CCDC34: variants seen among roughly 807,000 people sequenced by gnomAD.
CCDC34 encodes coiled-coil domain-containing protein 34.
In CCDC34, 40 loss-of-function variants were observed where a neutral mutation model predicts 44.1. That is an observed-to-expected ratio of 0.91 (90% CI 0.70 to 1.18). The LOEUF (loss-of-function observed/expected upper bound fraction) is 1.18, where lower values mean the gene tolerates loss of function less well. CCDC34 is among the 50% of genes most tolerant of loss of function. The pLI is 0.00. For missense variants in CCDC34, 466 were observed against 452.3 expected (o/e 1.03, Z -0.28); for synonymous variants, 159 against 158.2 (o/e 1.01, Z -0.04).
intron 2 of CCDC34, among the ~76,000 whole-genome samples, chr11:27,354,676 AC>A (rs1377163629): frequency 1.8e-4 from 25 of 138,702 alleles, no homozygotes; most frequent in Non-Finnish European, 1.1e-4. Flanking sequence ...CAACATGGCA[AC>A]CCCCCCACCC....
chr11:27,361,565 C>G (rs886462230), intron 1 of CCDC34, among the ~76,000 whole-genome samples: 1 of 152,124 alleles, frequency 6.6e-6, no homozygotes, highest in Non-Finnish European at 1.5e-5. Context: ...TCAGAGGAGG[C>G]CTGTTTCTTG....
intron 3 of CCDC34, among the ~76,000 whole-genome samples, chr11:27,345,201 C>A (rs1460429396): frequency 6.6e-6 from 1 of 152,126 alleles, no homozygotes; most frequent in African/African-American, 2.4e-5. Flanking sequence ...AATAGACATA[C>A]AGGTAAAGCT....
intron 3 of CCDC34, chr11:27,349,097 A>G (rs940257700): frequency 2.0e-6 from 2 of 985,136 alleles, no homozygotes; most frequent in Non-Finnish European, 2.4e-6. Flanking sequence ...TTTGATTGGC[A>G]TGGTAAAATT....
rs1256837567 is a variant in CCDC34, at chr11:27,358,418, ACT to A, written c.360-879_360-878del. Among the ~76,000 whole-genome samples the A allele has an allele frequency of 5.9e-5, 9 of 152,292 alleles. No individual in the cohort carries two copies. In the South Asian group the frequency reaches 1.5e-3, roughly 25 times the overall value. ...AGCTCTAAAGACTAGTTTATTACAG[ACT>A]CAGTTCTTTGTCTCTTTCACATTCC... is the stretch of plus-strand genomic sequence containing the variant. On this transcript the variant is annotated intron_variant, in intron 1 of 5. Coordinates refer to ENST00000328697, the MANE Select transcript of CCDC34 (RefSeq NM_030771.2).
intron 1 of CCDC34, among the ~76,000 whole-genome samples, chr11:27,361,006 T>C (rs890647232): frequency 2.0e-5 from 3 of 152,244 alleles, no homozygotes; most frequent in South Asian, 2.1e-4. Context: ...TCTGAAGCAT[T>C]TGACAATAAT....
chr11:27,357,634 T>C (rs1218456089), intron 1 of CCDC34, 93 bp from the exon 2 acceptor site: 19 of 1,059,404 alleles, frequency 1.8e-5, no homozygotes, highest in Middle Eastern at 2.2e-4. Flanking sequence ...CAAAACTTAA[T>C]AGTGTATTTT....
At chr11:27,350,936 A>G (rs1354073587) in intron 2 of CCDC34, among the ~76,000 whole-genome samples, 2 of 152,246 alleles carry the variant, frequency 1.3e-5, no homozygotes, top group African/African-American at 2.4e-5. Context: ...AAGAACCCAG[A>G]GTTTTCTTCA....
In CCDC34 at chr11:27,347,272, A is replaced by T. The variant is rs538736267; in HGVS notation, c.606+3060T>A. ...TTATTATAATAGTAGTGGAGATGTA[A>T]AATGGTACATGTACTTTAGACAAAT... is the stretch of plus-strand genomic sequence containing the variant. On this transcript the variant is annotated intron_variant, in intron 3 of 5. Transcript: ENST00000328697. 3.3e-5 allele frequency among the ~76,000 whole-genome samples: 5 copies of T among 152,346 alleles called. No individual in the cohort carries two copies. In the East Asian group the frequency reaches 9.6e-4, roughly 29 times the overall value.
chr11:27,349,762 T>C, intron 3 of CCDC34: 1 of 952,618 alleles, frequency 1.0e-6, no homozygotes, highest in Non-Finnish European at 1.3e-6. Context: ...CAGGTATTCA[T>C]CTAGCTCCTG....
Position 27,338,917 on chromosome 11 carries a change from T to A in CCDC34, c.1026A>T (p.Arg342Ser), listed in dbSNP as rs1267628906. The change falls in exon 6 of 6, where the codon AGA (arginine) becomes AGT (serine). Residue 342 changes from arginine to serine, a missense_variant. By Grantham distance (110) the Arg-to-Ser change is moderately radical. Coordinates refer to ENST00000328697, the MANE Select transcript of CCDC34 (RefSeq NM_030771.2). Reference sequence around the variant, plus strand: ...ACTTGTGTGGCTGACTTATCACAGGTCTTTTACTCTTCCTTCCTGATAGAT... The same window carrying A: ...ACTTGTGTGGCTGACTTATCACAGGACTTTTACTCTTCCTTCCTGATAGAT... ...AKDLSGRKSKRPVISQPHKSS... is the reference protein window; with the variant it reads ...AKDLSGRKSKSPVISQPHKSS... 5 of 1,613,852 alleles carry A rather than the reference T, an allele frequency of 3.1e-6. No individual in the cohort carries two copies. The highest frequency in any genetic ancestry group is 4.2e-6 in the Non-Finnish European group (5 of 1,179,852).
intron 2 of CCDC34, among the ~76,000 whole-genome samples, chr11:27,352,099 T>G (rs1361746619): frequency 6.6e-6 from 1 of 152,126 alleles, no homozygotes; most frequent in Admixed American, 6.6e-5. Context: ...CCTGGGCCTC[T>G]GGGCCAGGCG....
At chr11:27,357,645 C>CA in intron 1 of CCDC34, 104 bp from the exon 2 acceptor site, 2 of 934,628 alleles carry the variant, frequency 2.1e-6, no homozygotes, top group Non-Finnish European at 1.5e-6. Context: ...AGTGTATTTT[C>CA]AATATTGTGA....
At chr11:27,361,353 G>A (rs1391458057) in intron 1 of CCDC34, among the ~76,000 whole-genome samples, 1 of 152,184 alleles carries the variant, frequency 6.6e-6, no homozygotes, top group African/African-American at 2.4e-5. Context: ...TAGTTCCGAT[G>A]GTCATTTATT....
In CCDC34 at chr11:27,357,763, CA is replaced by C. The variant is rs3832796; in HGVS notation, c.360-223del. Among the ~76,000 whole-genome samples, 37 of 152,300 alleles carry C rather than the reference CA, an allele frequency of 2.4e-4. 1 individual carries two copies. In the East Asian group the frequency reaches 7.1e-3, roughly 29 times the overall value. ...CTATCAAACTGCCTTTGAATTCCTT[CA>C]CCTTCTAAAACCACGTTATTTAAAA... On this transcript the variant is annotated intron_variant, in intron 1 of 5. Coordinates refer to ENST00000328697, the MANE Select transcript of CCDC34 (RefSeq NM_030771.2).
intron 1 of CCDC34, among the ~76,000 whole-genome samples, chr11:27,358,705 C>T (rs1267167606): frequency 6.6e-6 from 1 of 152,146 alleles, no homozygotes; most frequent in African/African-American, 2.4e-5. Context: ...ATGTCTATAT[C>T]AGTAATTCCA....
At position 27,338,795 on chromosome 11, in the gene CCDC34, T is replaced by TA. The variant is rs765609684; in HGVS notation, c.*25dup. On this transcript the variant is annotated 3_prime_UTR_variant, in exon 6 of 6. Coordinates refer to ENST00000328697, the MANE Select transcript of CCDC34 (RefSeq NM_030771.2). ...GATTTTTAAATTAAATAGCTCCAGA[T>TA]AAAAGCATGTTATTTTCCACATACG... 3.8e-6 allele frequency: 6 copies of TA among 1,566,142 alleles called. No individual in the cohort carries two copies. The East Asian group carries it at 1.1e-4, about 29-fold the overall frequency.
intron 3 of CCDC34, among the ~76,000 whole-genome samples, chr11:27,346,132 T>G (rs1862429477): frequency 1.3e-5 from 2 of 152,026 alleles, no homozygotes; most frequent in African/African-American, 4.8e-5. Flanking sequence ...ATACCATTAA[T>G]CAGTGCTTCT....
At position 27,363,180 on chromosome 11, in the gene CCDC34, C is replaced by A. The variant is rs1833413210; in HGVS notation, c.15G>T (p.Gly5=). ...AAGAGGGAAAAGTAGGCCCCCAGCG[C>A]CCCGCCGCCCACATCTGGCCCGCCA... MWAA[G]RWGPTFPSSY... is the part of the protein sequence containing the mutation. Residue 5 remains glycine, a synonymous_variant, in exon 1 of 6, where the codon GGG becomes GGT. Coordinates refer to ENST00000328697, the MANE Select transcript of CCDC34 (RefSeq NM_030771.2). 1.3e-6 allele frequency: 2 copies of A among 1,485,730 alleles called. No individual in the cohort carries two copies. Among genetic ancestry groups the A allele is most frequent in the African/African-American group, 1.4e-5 (1 of 70,694 alleles). The allele number at this position is 1,485,730 out of a possible 1,614,324, so 92.0% of individuals were successfully genotyped here. A position where few individuals can be genotyped will look rare whatever the true frequency, so the allele number is the denominator to read the frequency against.
chr11:27,358,735 G>T (rs530969064), intron 1 of CCDC34, among the ~76,000 whole-genome samples: 6 of 152,178 alleles, frequency 3.9e-5, no homozygotes, highest in African/African-American at 1.4e-4. Context: ...GTCATCTTGA[G>T]TTCCAGATCC....
Sources: gnomAD v4.1 joint callset for allele counts (sites outside exome capture counted in the v4.1 genomes callset) on GRCh38, gnomAD v4.1.1 for gene constraint, MANE v1.5 for transcripts, NCBI Gene and HGNC (gene_info 2026-07-23, HGNC 2026-07-21) for gene names.